Variants in CTNNA2 observed in about 807,000 individuals in gnomAD.
The protein encoded by CTNNA2 is catenin alpha-2.
CTNNA2 carries 42 observed loss-of-function variants against 101.0 expected under a neutral mutation model. That is an observed-to-expected ratio of 0.42 (90% CI 0.32 to 0.54). CTNNA2 has a LOEUF of 0.54. CTNNA2 is among the 20% of genes least tolerant of loss of function. CTNNA2 has a pLI of 0.14. For missense variants in CTNNA2, 871 were observed against 1,223.1 expected (o/e 0.71, Z 4.29); for synonymous variants, 450 against 456.4 (o/e 0.99, Z 0.18).
intron 9 of CTNNA2, among the ~76,000 whole-genome samples, chr2:80,508,186 G>A (rs1025868084): frequency 6.6e-6 from 1 of 152,166 alleles, no homozygotes; most frequent in Non-Finnish European, 1.5e-5. Context: ...AACAAGTGGG[G>A]CTGGACACAG....
chr2:79,627,823 A>G (rs1679418830), intron 1 of CTNNA2, among the ~76,000 whole-genome samples: 1 of 151,760 alleles, frequency 6.6e-6, no homozygotes, highest in Admixed American at 6.6e-5. Context: ...AAGGGTTAAC[A>G]TTATTTGTTC....
chr2:79,886,637 G>C (rs1440884114), intron 6 of CTNNA2, among the ~76,000 whole-genome samples: 1 of 148,248 alleles, frequency 6.7e-6, no homozygotes. Context: ...TGTAGTCCCA[G>C]CTACTCGGGA....
At chr2:79,261,487 A>C (rs557053558) in intron 2 of CTNNA2, among the ~76,000 whole-genome samples, 207 of 152,326 alleles carry the variant, frequency 1.4e-3, no homozygotes, top group African/African-American at 4.7e-3. Flanking sequence ...GGCTTAAATA[A>C]CTATTTTTCA....
At chr2:79,319,465 G>A (rs948713166) in intron 3 of CTNNA2, among the ~76,000 whole-genome samples, 1 of 151,866 alleles carries the variant, frequency 6.6e-6, no homozygotes, top group African/African-American at 2.4e-5. Context: ...TAGGACTCAG[G>A]CTAAAGCCAC....
intron 7 of CTNNA2, among the ~76,000 whole-genome samples, chr2:79,924,169 G>A (rs771241949): frequency 2.6e-5 from 4 of 152,034 alleles, no homozygotes; most frequent in Non-Finnish European, 5.9e-5. Context: ...TTTGGCAATG[G>A]GGATGAACCT....
chr2:80,373,475 C>T (rs1191374474), intron 7 of CTNNA2, among the ~76,000 whole-genome samples: 1 of 152,124 alleles, frequency 6.6e-6, no homozygotes, highest in African/African-American at 2.4e-5. Flanking sequence ...AAAGCACCTG[C>T]AAGCTTTCAC....
At chr2:79,574,649 T>A (rs969138062) in intron 1 of CTNNA2, among the ~76,000 whole-genome samples, 22 of 152,326 alleles carry the variant, frequency 1.4e-4, no homozygotes, top group Non-Finnish European at 2.9e-4. Flanking sequence ...TCCATGTCTG[T>A]GCTTTCATGA....
chr2:79,325,307 A>G (rs1276217262), intron 3 of CTNNA2, among the ~76,000 whole-genome samples: 1 of 152,212 alleles, frequency 6.6e-6, no homozygotes, highest in East Asian at 1.9e-4. Context: ...GTATTCTGTT[A>G]GAATGATTGT....
intron 7 of CTNNA2, among the ~76,000 whole-genome samples, chr2:80,022,026 A>G (rs988813101): frequency 6.6e-6 from 1 of 152,232 alleles, no homozygotes; most frequent in Non-Finnish European, 1.5e-5. Flanking sequence ...TCTTTCCTTT[A>G]GATCTGCCTC....
chr2:79,188,594 T>A (rs1299740441), intron 1 of CTNNA2, among the ~76,000 whole-genome samples: 1 of 152,140 alleles, frequency 6.6e-6, no homozygotes, highest in East Asian at 1.9e-4. Context: ...CAACAGAGAA[T>A]ACCGTATTCT....
intron 9 of CTNNA2, among the ~76,000 whole-genome samples, chr2:80,536,680 T>C (rs963816004): frequency 1.3e-5 from 2 of 152,240 alleles, no homozygotes; most frequent in Non-Finnish European, 2.9e-5. Flanking sequence ...AATGCCTAAA[T>C]ACTTTATTAG....
At chr2:80,106,884 C>T (rs575683804) in intron 7 of CTNNA2, among the ~76,000 whole-genome samples, 24 of 152,246 alleles carry the variant, frequency 1.6e-4, no homozygotes, top group African/African-American at 2.9e-4. Flanking sequence ...GGACACACAA[C>T]GCTTGTCCTT....
intron 2 of CTNNA2, among the ~76,000 whole-genome samples, chr2:79,241,649 G>C (rs1409078494): frequency 6.6e-6 from 1 of 152,192 alleles, no homozygotes; most frequent in African/African-American, 2.4e-5. Context: ...TAAGGAAGTA[G>C]ATTTTAATCA....
At chr2:79,625,487 T>C (rs1282236293) in intron 1 of CTNNA2, among the ~76,000 whole-genome samples, 1 of 152,222 alleles carries the variant, frequency 6.6e-6, no homozygotes, top group Non-Finnish European at 1.5e-5. Flanking sequence ...ATAGATACTA[T>C]GAAACTTTTG....
chr2:79,219,980 T>G (rs1348360927), intron 2 of CTNNA2, among the ~76,000 whole-genome samples: 1 of 152,046 alleles, frequency 6.6e-6, no homozygotes. Flanking sequence ...CTCCTAGGAG[T>G]TTTCCTATTC....
chr2:80,038,751 C>T (rs898222794), intron 7 of CTNNA2, among the ~76,000 whole-genome samples: 13 of 152,156 alleles, frequency 8.5e-5, no homozygotes, highest in Non-Finnish European at 1.8e-4. Context: ...GAGGCTGAGG[C>T]ACAAGAATTG....
intron 7 of CTNNA2, among the ~76,000 whole-genome samples, chr2:80,034,035 G>A (rs181382876): frequency 2.8e-5 from 4 of 144,430 alleles, no homozygotes; most frequent in African/African-American, 1.0e-4. Context: ...TGAACTTGAA[G>A]TAGAGAGGCG....
intron 1 of CTNNA2, among the ~76,000 whole-genome samples, chr2:79,560,734 A>T (rs1674724222): frequency 6.6e-6 from 1 of 151,980 alleles, no homozygotes; most frequent in Non-Finnish European, 1.5e-5. Flanking sequence ...CAAATGATCT[A>T]AAGAGCTACA....
chr2:80,060,476 A>C (rs147092257), intron 7 of CTNNA2, among the ~76,000 whole-genome samples: 141 of 152,252 alleles, frequency 9.3e-4, no homozygotes, highest in Middle Eastern at 3.4e-3. Flanking sequence ...GGGCAAAACC[A>C]TTCAATATCT....
Sources: allele counts gnomAD v4.1 joint callset (sites outside exome capture counted in the v4.1 genomes callset), GRCh38; gene constraint gnomAD v4.1.1; transcripts MANE v1.5; gene names NCBI Gene and HGNC (gene_info 2026-07-23, HGNC 2026-07-21).